LUZP2: variants seen among roughly 807,000 people sequenced by gnomAD.
LUZP2 encodes leucine zipper protein 2.
A neutral mutation model predicts 51.6 loss-of-function variants in LUZP2; 52 were observed. The ratio of observed to expected loss-of-function variants is 1.01; its 90% CI spans 0.81 to 1.27. LUZP2 has a LOEUF of 1.27. LUZP2 is among the 50% of genes most tolerant of loss of function. LUZP2 has a pLI of 0.00. For missense variants in LUZP2, 436 were observed against 395.4 expected (o/e 1.10, Z -0.87); for synonymous variants, 154 against 137.3 (o/e 1.12, Z -0.85).
intron 1 of LUZP2, among the ~76,000 whole-genome samples, chr11:24,569,211 T>A (rs1029353629): frequency 3.3e-5 from 5 of 152,074 alleles, no homozygotes; most frequent in African/African-American, 9.6e-5. Flanking sequence ...TGCATTTGTA[T>A]CTACATCTAC....
At chr11:24,712,605 GGAGGGTGATCAAATATT>G (rs1468588977) in intron 1 of LUZP2, among the ~76,000 whole-genome samples, 1 of 152,066 alleles carries the variant, frequency 6.6e-6, no homozygotes, top group Non-Finnish European at 1.5e-5. Context: ...GATCAGATAT[GGAGGGTGATCAAATATT>G]GAGGGTGGAG....
intron 9 of LUZP2, among the ~76,000 whole-genome samples, chr11:25,008,405 G>C (rs956372259): frequency 5.9e-5 from 9 of 152,178 alleles, no homozygotes; most frequent in African/African-American, 9.6e-5. Flanking sequence ...GCAGCGAATG[G>C]GATGGCAGGG....
At chr11:24,841,004 A>G (rs117897170) in intron 5 of LUZP2, among the ~76,000 whole-genome samples, 3,987 of 152,112 alleles carry the variant, frequency 0.026, 88 homozygotes, top group Non-Finnish European at 0.035. Context: ...TGAATTTAAT[A>G]TGCTATTGTA....
chr11:24,717,484 T>C, intron 1 of LUZP2, among the ~76,000 whole-genome samples: 1 of 150,478 alleles, frequency 6.6e-6, no homozygotes, highest in Non-Finnish European at 1.5e-5. Context: ...CTCGGCTCAC[T>C]GCAAGCTCCG....
At chr11:24,946,967 C>A (rs1854917994) in intron 7 of LUZP2, among the ~76,000 whole-genome samples, 1 of 151,822 alleles carries the variant, frequency 6.6e-6, no homozygotes, top group African/African-American at 2.4e-5. Context: ...AAGCAGCCAG[C>A]AGGAGAGATA....
At chr11:24,666,402 A>G (rs1313488707) in intron 1 of LUZP2, among the ~76,000 whole-genome samples, 1 of 152,200 alleles carries the variant, frequency 6.6e-6, no homozygotes, top group Non-Finnish European at 1.5e-5. Flanking sequence ...TGCCTGAAAA[A>G]TACAGACAAC....
Position 24,659,758 on chromosome 11 carries a change from C to G in LUZP2, c.63-69411C>G, listed in dbSNP as rs188658062. 4.7e-4 allele frequency among the ~76,000 whole-genome samples: 72 copies of G among 151,894 alleles called. 1 individual carries two copies. Among genetic ancestry groups the G allele is most frequent in the African/African-American group, 1.1e-3 (46 of 41,450 alleles). ...AAATTGTGATGTTGTAATATATGTG[C>G]TTCTTTATTAGTGTATTGCATATAA... On this transcript the variant is annotated intron_variant, in intron 1 of 11. Transcript: ENST00000336930.
chr11:24,997,723 G>A (rs1398727656), intron 9 of LUZP2, among the ~76,000 whole-genome samples: 6 of 152,034 alleles, frequency 3.9e-5, no homozygotes, highest in African/African-American at 1.2e-4. Flanking sequence ...GTAATGCCTA[G>A]GTTTTCTTCT....
chr11:24,789,744 T>C (rs1456364947), intron 5 of LUZP2, among the ~76,000 whole-genome samples: 1 of 152,194 alleles, frequency 6.6e-6, no homozygotes, highest in Non-Finnish European at 1.5e-5. Context: ...GGCTCAAAGA[T>C]GACACCTCTT....
In LUZP2 at chr11:25,082,395, C is replaced by T. The variant is rs1859478015; in HGVS notation, c.*3737C>T. On this transcript the variant is annotated 3_prime_UTR_variant, in exon 12 of 12. Coordinates refer to ENST00000336930, the MANE Select transcript of LUZP2 (RefSeq NM_001009909.4). ...GTATTGTAATTAGCACTAATTGCAG[C>T]AGAGACTGAAATAATTATTGACACC... 1 of 152,584 alleles carries T rather than the reference C, an allele frequency of 6.6e-6. No individual in the cohort carries two copies. 9.5% of individuals were successfully genotyped at this position (152,584 alleles called of 1,614,324 possible). A position where few individuals can be genotyped will look rare whatever the true frequency, so the allele number is the denominator to read the frequency against.
chr11:24,577,645 C>A (rs1027524002), intron 1 of LUZP2, among the ~76,000 whole-genome samples: 1 of 151,948 alleles, frequency 6.6e-6, no homozygotes, highest in East Asian at 1.9e-4. Context: ...TTAAGTAACA[C>A]ATAAGAAGAA....
chr11:24,686,703 A>G (rs1856906557), intron 1 of LUZP2, among the ~76,000 whole-genome samples: 2 of 152,142 alleles, frequency 1.3e-5, no homozygotes, highest in African/African-American at 4.8e-5. Context: ...TTCTGTTGGC[A>G]GTAGAAATTG....
chr11:24,795,175 A>C (rs895239095), intron 5 of LUZP2, among the ~76,000 whole-genome samples: 3 of 151,440 alleles, frequency 2.0e-5, no homozygotes, highest in African/African-American at 7.4e-5. Flanking sequence ...TTATTGATTA[A>C]AACATCATTA....
At chr11:24,803,842 C>A (rs1299792740) in intron 5 of LUZP2, among the ~76,000 whole-genome samples, 1 of 151,724 alleles carries the variant, frequency 6.6e-6, no homozygotes, top group East Asian at 1.9e-4. Flanking sequence ...CACAATAATT[C>A]TATTTATATA....
chr11:24,769,437 C>G (rs1484757801), intron 5 of LUZP2, among the ~76,000 whole-genome samples: 4 of 152,108 alleles, frequency 2.6e-5, no homozygotes, highest in Non-Finnish European at 5.9e-5. Flanking sequence ...GATAGATATG[C>G]TGATTACTCT....
intron 1 of LUZP2, among the ~76,000 whole-genome samples, chr11:24,703,772 T>C (rs1021527850): frequency 1.3e-5 from 2 of 151,778 alleles, no homozygotes; most frequent in African/African-American, 4.8e-5. Flanking sequence ...GAGGTTGCAG[T>C]GAGCCGAGAT....
At chr11:24,681,672 G>T (rs1471912917) in intron 1 of LUZP2, among the ~76,000 whole-genome samples, 1 of 152,050 alleles carries the variant, frequency 6.6e-6, no homozygotes, top group Non-Finnish European at 1.5e-5. Context: ...TTACACTAAG[G>T]ATAATTAGCT....
intron 1 of LUZP2, among the ~76,000 whole-genome samples, chr11:24,694,092 C>G (rs781356670): frequency 3.3e-5 from 5 of 151,888 alleles, no homozygotes; most frequent in Non-Finnish European, 7.4e-5. Flanking sequence ...TGTTTCTTTT[C>G]AAAACTTTAT....
At chr11:24,673,990 A>T (rs1856473174) in intron 1 of LUZP2, among the ~76,000 whole-genome samples, 1 of 152,172 alleles carries the variant, frequency 6.6e-6, no homozygotes, top group African/African-American at 2.4e-5. Flanking sequence ...TTGAATTCTG[A>T]AGTATTTAAC....
Sources: gnomAD v4.1 joint callset for allele counts (sites outside exome capture counted in the v4.1 genomes callset) on GRCh38, gnomAD v4.1.1 for gene constraint, MANE v1.5 for transcripts, NCBI Gene and HGNC (gene_info 2026-07-23, HGNC 2026-07-21) for gene names.